Variants in DCBLD2 observed in about 807,000 individuals in gnomAD.
DCBLD2 encodes the protein discoidin, CUB and LCCL domain-containing protein 2.
A neutral mutation model predicts 86.8 loss-of-function variants in DCBLD2; 54 were observed. The ratio of observed to expected loss-of-function variants is 0.62; its 90% CI spans 0.50 to 0.78. The LOEUF is 0.78. DCBLD2 is among the 30% of genes least tolerant of loss of function. The pLI, the probability that DCBLD2 is intolerant of heterozygous loss-of-function variation, is 0.00. For synonymous variants in DCBLD2, 354 were observed against 341.3 expected (o/e 1.04, Z -0.41); for missense variants, 908 against 954.2 (o/e 0.95, Z 0.64).
chr3:98,819,298 C>G lies in DCBLD2; in HGVS notation c.991G>C (p.Ala331Pro), dbSNP rs1340596782. 4 of 1,613,658 alleles carry G rather than the reference C, an allele frequency of 2.5e-6. No individual in the cohort carries two copies. Among genetic ancestry groups the G allele is most frequent in the Non-Finnish European group, 3.4e-6 (4 of 1,179,824 alleles). Residue 331 changes from alanine (A) to proline (P), a missense_variant, in exon 8 of 16, where the codon GCC (alanine) becomes CCC (proline). This residue lies in a region of DCBLD2 where 606 missense variants were observed against 678.5 expected (regional missense o/e 0.89). Coordinates refer to ENST00000326840, the MANE Select transcript of DCBLD2 (RefSeq NM_080927.4). ...GQENSWKPKK[A>P]RLKKPGPPWA... ...GGCGGTCCAGGTTTTTTCAGCCTGG[C>G]TTTTTTGGGTTTCCAACTGTTCTCT...
intron 2 of DCBLD2, among the ~76,000 whole-genome samples, chr3:98,870,037 C>T (rs1464246122): frequency 1.3e-5 from 2 of 152,108 alleles, no homozygotes; most frequent in Non-Finnish European, 2.9e-5. Context: ...ATGATGCAGC[C>T]GCAAGTGCCA....
At chr3:98,822,129 A>G (rs540065338) in intron 6 of DCBLD2, 99 bp downstream of exon 6, 1 of 1,363,638 alleles carries the variant, frequency 7.3e-7, no homozygotes, top group East Asian at 2.3e-5. Context: ...GAACACCATT[A>G]ACAGTGATAC....
At chr3:98,820,103 A>G in intron 7 of DCBLD2, 145 bp downstream of exon 7, 1 of 435,434 alleles carries the variant, frequency 2.3e-6, no homozygotes. Flanking sequence ...TCTATTCATT[A>G]TATTATTAGA....
At chr3:98,870,736 A>AAAAAGAAAGAAAGAAAGAAAG (rs1491564204) in intron 2 of DCBLD2, among the ~76,000 whole-genome samples, 1,261 of 84,490 alleles carry the variant, frequency 0.015, 68 homozygotes, top group African/African-American at 0.021. Context: ...GAAAAGAAAG[A>AAAAAGAAAGAAAGAAAGAAAG]AAAAGAAAGA....
At chr3:98,847,295 G>A (rs1942744259) in intron 3 of DCBLD2, among the ~76,000 whole-genome samples, 1 of 152,214 alleles carries the variant, frequency 6.6e-6, no homozygotes, top group East Asian at 1.9e-4. Context: ...TGACTGGCCA[G>A]AGGTTAGCCA....
At chr3:98,862,610 T>G (rs1260903366) in intron 2 of DCBLD2, among the ~76,000 whole-genome samples, 3 of 151,842 alleles carry the variant, frequency 2.0e-5, no homozygotes, top group Non-Finnish European at 4.4e-5. Context: ...CAGAACCACA[T>G]ACAAAAACCA....
chr3:98,859,855 C>A (rs564492124), intron 2 of DCBLD2, among the ~76,000 whole-genome samples: 2 of 152,170 alleles, frequency 1.3e-5, no homozygotes, highest in Non-Finnish European at 2.9e-5. Context: ...TCGCCAGCAA[C>A]GGAACAAAGC....
rs1206748420 is a variant in DCBLD2 at position 98,798,562 on chromosome 3, A to T, written c.*810T>A. 1.3e-5 allele frequency: 2 copies of T among 152,236 alleles called. No individual in the cohort carries two copies. Among genetic ancestry groups the T allele is most frequent in the East Asian group, 1.9e-4 (1 of 5,198 alleles). The allele number at this position is 152,236 out of a possible 1,614,324, so 9.4% of individuals were successfully genotyped here. On this transcript the variant is annotated 3_prime_UTR_variant, in exon 16 of 16. Transcript: ENST00000326840. The stretch of plus-strand genomic sequence containing the variant: ...GAATCTCCTTTAAAGCTTTCAAATC[A>T]TAAAGTTGTTCCTGTTTACACATTG...
intron 1 of DCBLD2, 54 bp from the exon 2 acceptor site, chr3:98,881,821 T>G: frequency 6.6e-7 from 1 of 1,525,674 alleles, no homozygotes; most frequent in East Asian, 2.3e-5. Flanking sequence ...TTACTTCCTC[T>G]ATAATGATTT....
chr3:98,875,027 A>G (rs1387897466), intron 2 of DCBLD2, among the ~76,000 whole-genome samples: 1 of 152,206 alleles, frequency 6.6e-6, no homozygotes, highest in Admixed American at 6.5e-5. Flanking sequence ...CACTCTCTCC[A>G]CTACTGTTTA....
intron 13 of DCBLD2, among the ~76,000 whole-genome samples, chr3:98,802,273 T>C (rs1380696825): frequency 1.3e-5 from 2 of 152,172 alleles, no homozygotes; most frequent in Non-Finnish European, 2.9e-5. Context: ...TGGTATCTCA[T>C]TGTGGTTTTG....
intron 2 of DCBLD2, among the ~76,000 whole-genome samples, chr3:98,859,608 C>CA (rs1476187337): frequency 1.3e-5 from 2 of 152,210 alleles, no homozygotes; most frequent in African/African-American, 2.4e-5. Flanking sequence ...GATACCCAGG[C>CA]AAACAGGGTC....
At chr3:98,822,418 C>T (rs1942139491) in intron 5 of DCBLD2, 57 bp from the exon 6 acceptor site, 1 of 1,560,666 alleles carries the variant, frequency 6.4e-7, no homozygotes, top group Non-Finnish European at 8.7e-7. Context: ...AATTCATAAA[C>T]AAGACACTCT....
At chr3:98,837,026 G>A (rs866646067) in intron 3 of DCBLD2, among the ~76,000 whole-genome samples, 31 of 60,416 alleles carry the variant, frequency 5.1e-4, no homozygotes, top group African/African-American at 2.3e-3. Flanking sequence ...CTCCCGGACG[G>A]GGCGGCTGGC....
At chr3:98,829,450 G>A (rs1346295115) in intron 3 of DCBLD2, among the ~76,000 whole-genome samples, 1 of 152,062 alleles carries the variant, frequency 6.6e-6, no homozygotes, top group Non-Finnish European at 1.5e-5. Flanking sequence ...CCACCCTCCA[G>A]TAGGCCTCAG....
intron 1 of DCBLD2, among the ~76,000 whole-genome samples, chr3:98,885,708 A>G (rs1334209190): frequency 1.3e-5 from 2 of 151,472 alleles, no homozygotes; most frequent in East Asian, 1.9e-4. Flanking sequence ...AAAATATTTA[A>G]AAGTAGAACT....
intron 13 of DCBLD2, among the ~76,000 whole-genome samples, chr3:98,802,446 G>C (rs575521678): frequency 1.2e-3 from 190 of 152,040 alleles, no homozygotes; most frequent in Admixed American, 2.3e-3. Flanking sequence ...TGTAGATTCT[G>C]GATATTAGCC....
intron 2 of DCBLD2, among the ~76,000 whole-genome samples, chr3:98,860,887 A>G (rs1048069163): frequency 1.3e-5 from 2 of 152,206 alleles, no homozygotes; most frequent in African/African-American, 4.8e-5. Context: ...TTAACCTTAA[A>G]TGTAAATGGG....
At chr3:98,873,798 T>C (rs1251816818) in intron 2 of DCBLD2, among the ~76,000 whole-genome samples, 1 of 152,122 alleles carries the variant, frequency 6.6e-6, no homozygotes, top group African/African-American at 2.4e-5. Flanking sequence ...TAAATCAAGA[T>C]TCATTTTTTG....
Sources: allele counts gnomAD v4.1 joint callset (sites outside exome capture counted in the v4.1 genomes callset), GRCh38; gene constraint gnomAD v4.1.1; regional missense constraint gnomAD v4.1.1; transcripts MANE v1.5; gene names NCBI Gene and HGNC (gene_info 2026-07-23, HGNC 2026-07-21).